Variants in ANXA4 observed in about 807,000 individuals in gnomAD.
The protein encoded by ANXA4 is annexin A4.
Under a neutral mutation model 49.8 loss-of-function variants are expected in ANXA4, and 39 were observed. That is an observed-to-expected ratio of 0.78 (90% CI 0.61 to 1.02). ANXA4 has a LOEUF of 1.02. ANXA4 is among the 50% of genes least tolerant of loss of function. The pLI is 0.00. For synonymous variants in ANXA4, 134 were observed against 152.5 expected, an observed-to-expected ratio of 0.88 and a Z score of 0.89; for missense variants, 360 against 410.1, an observed-to-expected ratio of 0.88 and a Z score of 1.05.
chr2:69,757,330 G>A (rs1009729557), intron 1 of ANXA4, among the ~76,000 whole-genome samples: 6 of 132,464 alleles, frequency 4.5e-5, no homozygotes, highest in African/African-American at 1.1e-4. Flanking sequence ...GAGTGCAGTC[G>A]CATGATCTCG....
At chr2:69,682,152 C>T (rs60053748) in intron 2 of ANXA4, among the ~76,000 whole-genome samples, 3,048 of 152,116 alleles carry the variant, frequency 0.02, 109 homozygotes, top group African/African-American at 0.069. Context: ...ATGCCTGGCC[C>T]GTTCTTGCTT....
intron 1 of ANXA4, among the ~76,000 whole-genome samples, chr2:69,648,069 C>A (rs1182680713): frequency 6.6e-6 from 1 of 152,152 alleles, no homozygotes; most frequent in Non-Finnish European, 1.5e-5. Flanking sequence ...ACCCAGTGTG[C>A]TGTATCTTTG....
intron 1 of ANXA4, among the ~76,000 whole-genome samples, chr2:69,774,529 G>A (rs113812374): frequency 3.3e-5 from 5 of 150,128 alleles, no homozygotes; most frequent in South Asian, 4.2e-4. Context: ...TAGTAGAGAC[G>A]GGGTTTCATC....
At chr2:69,763,868 G>T (rs529616395) in intron 1 of ANXA4, among the ~76,000 whole-genome samples, 26 of 152,072 alleles carry the variant, frequency 1.7e-4, no homozygotes, top group Non-Finnish European at 3.8e-4. Context: ...TCGCCATGTT[G>T]GTCAGGCTGG....
intron 10 of ANXA4, 77 bp from the exon 11 acceptor site, chr2:69,819,203 G>T: frequency 9.3e-7 from 1 of 1,079,394 alleles, no homozygotes; most frequent in Admixed American, 2.6e-5. Context: ...TAGAAACAGA[G>T]GAAACAACTG....
At chr2:69,733,290 A>G (rs1462260062) in intron 3 of ANXA4, among the ~76,000 whole-genome samples, 3 of 152,216 alleles carry the variant, frequency 2.0e-5, no homozygotes, top group Non-Finnish European at 4.4e-5. Flanking sequence ...TAGATCTAAC[A>G]CCAGAAAACT....
chr2:69,704,829 C>G (rs991355435), intron 2 of ANXA4, among the ~76,000 whole-genome samples: 3 of 152,152 alleles, frequency 2.0e-5, no homozygotes, highest in African/African-American at 7.2e-5. Flanking sequence ...CAATCTCCCC[C>G]AGATTCCTAA....
At chr2:69,765,972 G>C (rs911631955) in intron 1 of ANXA4, among the ~76,000 whole-genome samples, 1 of 152,232 alleles carries the variant, frequency 6.6e-6, no homozygotes, top group Non-Finnish European at 1.5e-5. Flanking sequence ...GGCCCGCTAT[G>C]TGCAAGGCAC....
intron 2 of ANXA4, among the ~76,000 whole-genome samples, chr2:69,697,110 C>T (rs1019863491): frequency 6.6e-6 from 1 of 152,240 alleles, no homozygotes; most frequent in African/African-American, 2.4e-5. Flanking sequence ...ATGGCATCTT[C>T]TTCTAGTAGA....
chr2:69,794,507 ATTATGTTATGTTATATTATGTTATG>A (rs1465396709), intron 3 of ANXA4, among the ~76,000 whole-genome samples: 52 of 79,994 alleles, frequency 6.5e-4, no homozygotes, highest in African/African-American at 1.9e-3. Context: ...GTTATGTTAT[ATTATGTTATGTTATATTATGTTATG>A]TTATGTTATG....
intron 2 of ANXA4, among the ~76,000 whole-genome samples, chr2:69,693,452 T>A (rs957628857): frequency 6.6e-6 from 1 of 151,988 alleles, no homozygotes; most frequent in African/African-American, 2.4e-5. Flanking sequence ...CATGCTAAGC[T>A]CAGTGAGACA....
In ANXA4 at chr2:69,820,885, T is replaced by C. The variant is rs545818082; in HGVS notation, c.906+64T>C. ...GAAAAGGACCCCTCTGACCTTGGCA[T>C]TTAGCACTTGTTGTCCCCCTCTTCT... On this transcript the variant is annotated intron_variant, in intron 12 of 12. Coordinates refer to ENST00000394295, the MANE Select transcript of ANXA4 (RefSeq NM_001153.5). 2.6e-6 allele frequency: 4 copies of C among 1,536,716 alleles called. No homozygotes were observed. In the East Asian group the frequency reaches 9.2e-5, roughly 35 times the overall value.
At chr2:69,662,537 A>C (rs554905527) in intron 2 of ANXA4, among the ~76,000 whole-genome samples, 1 of 152,296 alleles carries the variant, frequency 6.6e-6, no homozygotes, top group Non-Finnish European at 1.5e-5. Context: ...TTGAAGAGCC[A>C]TATGAAACTT....
At chr2:69,760,074 C>T (rs2105521020) in intron 1 of ANXA4, among the ~76,000 whole-genome samples, 1 of 152,252 alleles carries the variant, frequency 6.6e-6, no homozygotes, top group East Asian at 1.9e-4. Flanking sequence ...CCTCGTGATC[C>T]ACCCGCCTCG....
intron 1 of ANXA4, among the ~76,000 whole-genome samples, chr2:69,774,339 C>G (rs59946983): frequency 2.9e-5 from 2 of 70,116 alleles, no homozygotes; most frequent in East Asian, 6.6e-4. Context: ...CCCCCCCCCC[C>G]CTTTTTTTTT....
intron 2 of ANXA4, among the ~76,000 whole-genome samples, chr2:69,661,016 A>T (rs1461031222): frequency 6.6e-6 from 1 of 152,176 alleles, no homozygotes; most frequent in African/African-American, 2.4e-5. Context: ...AGACATACAG[A>T]CGGACTTAAG....
At chr2:69,747,065 A>G (rs1348822620) in intron 1 of ANXA4, among the ~76,000 whole-genome samples, 1 of 152,114 alleles carries the variant, frequency 6.6e-6, no homozygotes, top group Non-Finnish European at 1.5e-5. Context: ...CTTGAGGCCT[A>G]GAAGAAACAC....
At chr2:69,755,824 G>T (rs997797276) in intron 1 of ANXA4, among the ~76,000 whole-genome samples, 3 of 152,018 alleles carry the variant, frequency 2.0e-5, no homozygotes, top group African/African-American at 7.2e-5. Context: ...TAAATTATAT[G>T]AACTAATGAG....
At chr2:69,667,133 G>A (rs1425141844) in intron 2 of ANXA4, among the ~76,000 whole-genome samples, 1 of 151,960 alleles carries the variant, frequency 6.6e-6, no homozygotes, top group Non-Finnish European at 1.5e-5. Context: ...ATAGAAATTA[G>A]ATTAGTGGTT....
Sources: gnomAD v4.1 joint callset for allele counts (sites outside exome capture counted in the v4.1 genomes callset) on GRCh38, gnomAD v4.1.1 for gene constraint, MANE v1.5 for transcripts, NCBI Gene and HGNC (gene_info 2026-07-23, HGNC 2026-07-21) for gene names.